The following HOMER2 variants were observed in gnomAD, a reference collection of about 807,000 sequenced individuals.
HOMER2 encodes the protein homer protein homolog 2.
In HOMER2, 27 loss-of-function variants were observed where a neutral mutation model predicts 47.0. The ratio of observed to expected loss-of-function variants is 0.57; its 90% confidence interval spans 0.42 to 0.79. HOMER2 has a LOEUF of 0.79. Ranked by LOEUF, HOMER2 falls within the 30% of genes least tolerant of loss-of-function variation. The probability of loss-of-function intolerance (pLI) is 0.00; values close to 1 mark genes in which losing one functional copy is unlikely to be tolerated. For synonymous variants in HOMER2, 161 were observed against 163.8 expected, an observed-to-expected ratio of 0.98 and a Z score of 0.13; for missense variants, 443 against 435.0, an observed-to-expected ratio of 1.02 and a Z score of -0.16.
intron 1 of HOMER2, among the ~76,000 whole-genome samples, chr15:82,972,800 G>A (rs186405214): frequency 3.1e-4 from 47 of 152,332 alleles, no homozygotes; most frequent in African/African-American, 1.1e-3. Flanking sequence ...GATAATAACC[G>A]CAGGTGACGT....
At chr15:82,859,383 T>C (rs1832764776) in intron 4 of HOMER2, among the ~76,000 whole-genome samples, 1 of 151,940 alleles carries the variant, frequency 6.6e-6, no homozygotes, top group African/African-American at 2.4e-5. Context: ...AAAAAGGCAC[T>C]GAAGAGACCA....
Position 82,918,589 on chromosome 15 carries a change from A to G in HOMER2, c.6-25748T>C, listed in dbSNP as rs1375544847. Among the ~76,000 whole-genome samples the G allele has an allele frequency of 5.9e-5, 9 of 152,036 alleles. 1 individual carries two copies. Among genetic ancestry groups the G allele is most frequent in the Admixed American group, 5.9e-4 (9 of 15,272 alleles). The stretch of plus-strand genomic sequence containing the variant: ...CCTCCACAGCTTTGAGGACATGTCT[A>G]TGTGATGACACCTGAATGTGTACCT... On this transcript the variant is annotated intron_variant, in intron 1 of 8. Transcript: ENST00000450735.
chr15:82,877,683 C>G (rs2052393949), intron 2 of HOMER2, among the ~76,000 whole-genome samples: 1 of 152,172 alleles, frequency 6.6e-6, no homozygotes, highest in Middle Eastern at 3.2e-3. Flanking sequence ...GTGCTACGGT[C>G]CAGCTGACTT....
intron 1 of HOMER2, among the ~76,000 whole-genome samples, chr15:82,902,066 G>T (rs1406608463): frequency 6.6e-6 from 1 of 152,150 alleles, no homozygotes; most frequent in East Asian, 1.9e-4. Flanking sequence ...TCTGTAGATG[G>T]TATGGTTAAC....
chr15:82,910,132 C>CAAAAAAAA (rs35191408), intron 1 of HOMER2, among the ~76,000 whole-genome samples: 3 of 22,128 alleles, frequency 1.4e-4, no homozygotes, highest in African/African-American at 3.6e-4. Flanking sequence ...GATTCTGTCT[C>CAAAAAAAA]AAAAAAAAAA....
intron 4 of HOMER2, among the ~76,000 whole-genome samples, chr15:82,861,321 A>C (rs754997800): frequency 5.3e-5 from 8 of 152,370 alleles, no homozygotes; most frequent in Non-Finnish European, 8.8e-5. Flanking sequence ...GTCACAAATT[A>C]TAGGTTAACC....
chr15:82,868,541 A>ATATATATATATTTTTTTT, intron 3 of HOMER2, among the ~76,000 whole-genome samples: 5 of 71,288 alleles, frequency 7.0e-5, no homozygotes, highest in Admixed American at 1.8e-4. Flanking sequence ...ATATATATAT[A>ATATATATATATTTTTTTT]TTTTTTTTTT....
intron 1 of HOMER2, among the ~76,000 whole-genome samples, chr15:82,961,326 C>A (rs1431228086): frequency 6.6e-6 from 1 of 152,228 alleles, no homozygotes; most frequent in Admixed American, 6.5e-5. Flanking sequence ...AAACACTTCC[C>A]GTGCGCAGGT....
At chr15:82,950,207 G>A (rs1420782152) in intron 1 of HOMER2, among the ~76,000 whole-genome samples, 2 of 152,176 alleles carry the variant, frequency 1.3e-5, no homozygotes, top group Non-Finnish European at 2.9e-5. Context: ...TCTGGAAAGG[G>A]GAATAGGTAT....
intron 1 of HOMER2, among the ~76,000 whole-genome samples, chr15:82,945,949 A>G (rs1386208896): frequency 2.6e-5 from 4 of 152,024 alleles, no homozygotes; most frequent in Admixed American, 6.6e-5. Context: ...CAGCATGGGC[A>G]ACAGAGTGAG....
At chr15:82,912,377 G>GT (rs2053476327) in intron 1 of HOMER2, among the ~76,000 whole-genome samples, 2 of 152,080 alleles carry the variant, frequency 1.3e-5, no homozygotes, top group African/African-American at 2.4e-5. Context: ...TTCAGTGAGC[G>GT]TAATATTTCT....
chr15:82,863,015 G>A (rs1454286361), intron 4 of HOMER2, among the ~76,000 whole-genome samples: 1 of 151,948 alleles, frequency 6.6e-6, no homozygotes, highest in Non-Finnish European at 1.5e-5. Flanking sequence ...TCATAACTGG[G>A]CCTATTTCCT....
intron 2 of HOMER2, among the ~76,000 whole-genome samples, chr15:82,890,123 A>C (rs2052660544): frequency 6.6e-6 from 1 of 152,154 alleles, no homozygotes; most frequent in Admixed American, 6.6e-5. Context: ...GGGGCAGATC[A>C]CTTCAGGCCA....
chr15:82,958,379 G>A (rs1257273688), exon 2 of HOMER2: 2 of 152,220 alleles, frequency 1.3e-5, no homozygotes, highest in African/African-American at 4.8e-5. Context: ...AACAGGAAAC[G>A]ACAAGAATGT....
At chr15:82,872,575 T>C (rs967012718) in intron 3 of HOMER2, among the ~76,000 whole-genome samples, 2 of 152,220 alleles carry the variant, frequency 1.3e-5, no homozygotes, top group Non-Finnish European at 2.9e-5. Flanking sequence ...AGCTCTGGCA[T>C]GACCAATAAA....
At position 82,884,705 on chromosome 15, in the gene HOMER2, G is replaced by C. The variant is rs1161405922; in HGVS notation, c.162+7980C>G. On this transcript the variant is annotated intron_variant, in intron 2 of 8. Coordinates refer to ENST00000450735, the MANE Select transcript of HOMER2 (RefSeq NM_004839.4). The stretch of plus-strand genomic sequence containing the variant: ...TGATCTGGCTCTCTGTCTGTTGTTG[G>C]TGTATAAGAATGCTTGTGATTTTTG... Among the ~76,000 whole-genome samples the C allele has an allele frequency of 1.4e-4, 11 of 78,656 alleles. No individual in the cohort carries two copies. In the South Asian group the frequency reaches 4.3e-3, roughly 31 times the overall value. 51.6% of individuals were successfully genotyped at this position (78,656 alleles called of 152,430 possible).
At chr15:82,938,899 T>G (rs2054199790) in intron 1 of HOMER2, among the ~76,000 whole-genome samples, 1 of 152,098 alleles carries the variant, frequency 6.6e-6, no homozygotes, top group African/African-American at 2.4e-5. Context: ...CTGCAACCCC[T>G]CTCTCCTCCA....
At chr15:82,986,138 C>T (rs1392472465), upstream of HOMER2, 6 of 984,796 alleles carry the variant, frequency 6.1e-6, no homozygotes, top group South Asian at 1.9e-4. Flanking sequence ...GCAAAGCGAT[C>T]CACACGGAGA....
intron 1 of HOMER2, among the ~76,000 whole-genome samples, chr15:82,929,328 C>A (rs945667075): frequency 6.6e-6 from 1 of 152,012 alleles, no homozygotes; most frequent in African/African-American, 2.4e-5. Context: ...AAAGGGAAGA[C>A]AAGGAAAACG....
Sources: allele counts gnomAD v4.1 joint callset (sites outside exome capture counted in the v4.1 genomes callset), GRCh38; gene constraint gnomAD v4.1.1; transcripts MANE v1.5; gene names NCBI Gene and HGNC (gene_info 2026-07-23, HGNC 2026-07-21).